Variants in PTPRU observed in about 807,000 individuals in gnomAD.
PTPRU encodes receptor-type tyrosine-protein phosphatase U.
In PTPRU, 69 loss-of-function variants were observed where a neutral mutation model predicts 166.3. The observed-to-expected ratio is 0.41, with a 90% CI of 0.34 to 0.51. The LOEUF (loss-of-function observed/expected upper bound fraction) is 0.51, where lower values mean the gene tolerates loss of function less well. Ranked by LOEUF, PTPRU falls within the 20% of genes least tolerant of loss-of-function variation. The pLI is 0.09. For synonymous variants in PTPRU, 793 were observed against 814.0 expected (o/e 0.97, Z 0.44); for missense variants, 1,657 against 2,013.7 (o/e 0.82, Z 3.39).
chr1:29,236,585 C>G lies in PTPRU; in HGVS notation c.-60C>G. 8.5e-7 allele frequency: 1 copy of G among 1,174,434 alleles called. No homozygotes were observed. Among genetic ancestry groups the G allele is most frequent in the Non-Finnish European group, 1.1e-6 (1 of 946,818 alleles). 72.8% of individuals were successfully genotyped at this position (1,174,434 alleles called of 1,614,324 possible). A position where few individuals can be genotyped will look rare whatever the true frequency, so the allele number is the denominator to read the frequency against. ...GCTCCGGCTCGCCTCGGGCTGGGCT[C>G]GGGCTCCGGGGGCGGCGTCCCCCGC... On this transcript the variant is annotated 5_prime_UTR_variant, in exon 1 of 30. Coordinates refer to ENST00000373779, the MANE Select transcript of PTPRU (RefSeq NM_133178.4). The surrounding 1 kb of genome is among the most constrained non-coding windows in gnomAD (Gnocchi z 4.6).
intron 1 of PTPRU, among the ~76,000 whole-genome samples, chr1:29,239,097 G>A (rs34095513): frequency 0.021 from 3,244 of 152,296 alleles, 43 homozygotes; most frequent in Middle Eastern, 0.082. Context: ...TTCTGCCTCT[G>A]CTACTTGCTA....
intron 1 of PTPRU, 144 bp from the exon 2 acceptor site, chr1:29,255,131 G>A (rs1684716823): frequency 6.2e-6 from 6 of 968,556 alleles, no homozygotes; most frequent in Non-Finnish European, 8.9e-6. Flanking sequence ...TTCACTAGAG[G>A]GAGGGAGCAG....
chr1:29,264,575 G>A (rs924970945), intron 7 of PTPRU, among the ~76,000 whole-genome samples: 3 of 150,974 alleles, frequency 2.0e-5, no homozygotes, highest in Non-Finnish European at 4.4e-5. Context: ...GCGCAATCTC[G>A]GCTCACTGCA....
chr1:29,265,294 G>GT (rs1369933421), intron 7 of PTPRU, among the ~76,000 whole-genome samples: 6 of 152,074 alleles, frequency 3.9e-5, no homozygotes, highest in African/African-American at 1.4e-4. Context: ...CCTGAGAGGT[G>GT]TGTAGTGATA....
chr1:29,259,161 A>T, intron 3 of PTPRU, 100 bp from the exon 4 acceptor site: 1 of 1,259,014 alleles, frequency 7.9e-7, no homozygotes, highest in Non-Finnish European at 1.1e-6. Context: ...GACCTCTGCT[A>T]GTTGAGGCAG....
Position 29,264,294 on chromosome 1 carries a change from G to A in PTPRU, c.1144+3391G>A, listed in dbSNP as rs1352406917. Among the ~76,000 whole-genome samples, 3 of 149,876 alleles carry A rather than the reference G, an allele frequency of 2.0e-5. No homozygotes were observed. In the East Asian group the frequency reaches 5.9e-4, roughly 29 times the overall value. On this transcript the variant is annotated intron_variant, in intron 7 of 29. Transcript: ENST00000373779. ...TTCTTTTTCTTGATAGTTTTTTTTTGAAGCACGAAAGTTTTCAATTTATCT... is the reference window on the plus strand; with the variant it reads ...TTCTTTTTCTTGATAGTTTTTTTTTAAAGCACGAAAGTTTTCAATTTATCT...
Position 29,302,957 on chromosome 1 carries a change from C to T in PTPRU, c.2477-898C>T, listed in dbSNP as rs551441025. On this transcript the variant is annotated intron_variant, in intron 15 of 29. Transcript: ENST00000373779. ...TACAGTATTCAGTACAGGTTTGTAGCGTAGGAGCAATAGGCTATGCCGTGC... is the reference window on the plus strand; with the variant it reads ...TACAGTATTCAGTACAGGTTTGTAGTGTAGGAGCAATAGGCTATGCCGTGC... 1.9e-4 allele frequency among the ~76,000 whole-genome samples: 29 copies of T among 152,242 alleles called. No individual in the cohort carries two copies. In the East Asian group the frequency reaches 1.9e-3, roughly 10 times the overall value.
rs756132230 is a variant in PTPRU, at chr1:29,317,837, C to T, written c.3603C>T (p.Asp1201=). 23 of 1,613,778 alleles carry T rather than the reference C, an allele frequency of 1.4e-5. No individual in the cohort carries two copies. The highest frequency in any genetic ancestry group is 2.2e-5 in the East Asian group (1 of 44,894). The change falls in exon 25 of 30, where the codon GAC becomes GAT. Residue 1201 remains aspartate (D), a synonymous_variant. Transcript: ENST00000373779. This position sits in a 1 kb window ranked among gnomAD's most constrained non-coding sequence, Gnocchi z 5.6. ...PRNRDKNRSM[D]VLPPDRCLPF... The stretch of plus-strand genomic sequence containing the variant: ...ACCGCGACAAGAACCGCAGCATGGA[C>T]GTCCTGCCGCCCGACCGCTGCCTGC...
chr1:29,303,237 G>C (rs1031243460), intron 15 of PTPRU, among the ~76,000 whole-genome samples: 1 of 152,346 alleles, frequency 6.6e-6, no homozygotes, highest in African/African-American at 2.4e-5. Context: ...AGCCGGGGAC[G>C]GGGTGGTCCT....
chr1:29,323,561 C>CT (rs1479931225), intron 27 of PTPRU, 65 bp downstream of exon 27: 2 of 1,611,242 alleles, frequency 1.2e-6, no homozygotes, highest in Non-Finnish European at 1.7e-6. Context: ...TTTAATGACC[C>CT]TCTGTGTCAT....
At chr1:29,310,889 G>A (rs1174980607) in intron 19 of PTPRU, 109 bp downstream of exon 19, 5 of 1,334,306 alleles carry the variant, frequency 3.7e-6, no homozygotes, top group Non-Finnish European at 5.4e-6. Flanking sequence ...ATTCCTGAAT[G>A]TCTCCCCACC....
intron 7 of PTPRU, among the ~76,000 whole-genome samples, chr1:29,269,619 C>T (rs923009539): frequency 3.3e-5 from 5 of 152,090 alleles, no homozygotes; most frequent in African/African-American, 4.8e-5. Flanking sequence ...GCGCGTTGGC[C>T]GGCAGTTGTT....
intron 18 of PTPRU, among the ~76,000 whole-genome samples, chr1:29,307,297 C>T (rs1245365131): frequency 6.6e-6 from 1 of 152,246 alleles, no homozygotes; most frequent in Non-Finnish European, 1.5e-5. Context: ...CCGTCCATTT[C>T]AGCAGCCTGG....
chr1:29,315,373 G>A lies in PTPRU; in HGVS notation c.3229G>A (p.Ala1077Thr), dbSNP rs753454967. Residue 1077 changes from alanine to threonine, a missense_variant and splice_region_variant, in exon 23 of 30, where the codon GCG becomes ACG. By Grantham distance (58) the Ala-to-Thr change is moderately conservative. Coordinates refer to ENST00000373779, the MANE Select transcript of PTPRU (RefSeq NM_133178.4). This position sits in a 1 kb window ranked among gnomAD's most constrained non-coding sequence, Gnocchi z 4.5. ...GGTCTGGGGCTGCTCTCTCTCCAGC[G>A]CGGGCACCGGCCGCACAGGTTGCTA... ...DAGPIVIHCS[A>T]GTGRTGCYIV... The A allele has an allele frequency of 4.2e-5, 68 of 1,614,014 alleles. No individual in the cohort carries two copies. Among genetic ancestry groups the A allele is most frequent in the East Asian group, 4.5e-5 (2 of 44,902 alleles).
At chr1:29,306,981 AG>A (rs1687419306) in intron 18 of PTPRU, 1 of 895,560 alleles carries the variant, frequency 1.1e-6, no homozygotes. Flanking sequence ...TCTGTGGCTC[AG>A]CCCAGCCCGG....
At chr1:29,247,661 C>T (rs1391841240) in intron 1 of PTPRU, among the ~76,000 whole-genome samples, 1 of 152,244 alleles carries the variant, frequency 6.6e-6, no homozygotes, top group Non-Finnish European at 1.5e-5. Flanking sequence ...CGGCCCTTTT[C>T]CTCTGTCTGG....
intron 26 of PTPRU, among the ~76,000 whole-genome samples, chr1:29,321,582 G>C (rs191512134): frequency 1.3e-5 from 2 of 152,274 alleles, no homozygotes; most frequent in Admixed American, 1.3e-4. Flanking sequence ...CATCATGGGG[G>C]CCTCCGAGGT....
intron 14 of PTPRU, chr1:29,289,577 C>G (rs565210236): frequency 1.5e-6 from 2 of 1,375,176 alleles, no homozygotes; most frequent in Non-Finnish European, 2.0e-6. Context: ...CTCCCCAGCC[C>G]GGGAGGTACC....
intron 3 of PTPRU, 25 bp downstream of exon 3, chr1:29,258,801 A>G (rs752310244): frequency 1.3e-6 from 2 of 1,543,554 alleles, no homozygotes; most frequent in Non-Finnish European, 1.7e-6. Context: ...GTCAGCGGTC[A>G]GCCTGTGCCT....
Sources: allele counts gnomAD v4.1 joint callset (sites outside exome capture counted in the v4.1 genomes callset), GRCh38; gene constraint gnomAD v4.1.1; non-coding constraint Gnocchi (gnomAD v3.1); transcripts MANE v1.5; gene names NCBI Gene and HGNC (gene_info 2026-07-23, HGNC 2026-07-21).